The following GRIA4 variants were observed in gnomAD, a reference collection of about 807,000 sequenced individuals.
GRIA4 encodes glutamate ionotropic receptor AMPA type subunit 4, also known as glutamate receptor 4.
In GRIA4, 34 loss-of-function variants were observed where a neutral mutation model predicts 104.0. The observed-to-expected ratio is 0.33, with a 90% CI of 0.25 to 0.44. The LOEUF is 0.44. GRIA4 is among the 20% of genes least tolerant of loss of function. The pLI is 1.00. For synonymous variants in GRIA4, 386 were observed against 381.9 expected, an observed-to-expected ratio of 1.01 and a Z score of -0.13; for missense variants, 750 against 1,096.5, an observed-to-expected ratio of 0.68 and a Z score of 4.46.
At chr11:105,738,330 G>A (rs1419138460) in intron 3 of GRIA4, among the ~76,000 whole-genome samples, 1 of 152,092 alleles carries the variant, frequency 6.6e-6, no homozygotes, top group East Asian at 1.9e-4. Flanking sequence ...TCACTAGGTT[G>A]TTCACTTAGC....
intron 3 of GRIA4, among the ~76,000 whole-genome samples, chr11:105,649,398 T>C (rs1469316526): frequency 6.6e-6 from 1 of 152,174 alleles, no homozygotes; most frequent in Admixed American, 6.5e-5. Flanking sequence ...ATGTGTGCCA[T>C]TAAGATTATT....
chr11:105,795,510 C>T (rs1942443923), intron 4 of GRIA4, among the ~76,000 whole-genome samples: 1 of 151,960 alleles, frequency 6.6e-6, no homozygotes, highest in African/African-American at 2.4e-5. Context: ...CGTTTGGGTG[C>T]AGGAGATGAG....
rs555953611 is a variant in GRIA4, at chr11:105,847,909, G to A, written c.488-14115G>A. Among the ~76,000 whole-genome samples the A allele has an allele frequency of 5.9e-5, 9 of 152,284 alleles. No individual in the cohort carries two copies. The South Asian group carries it at 1.7e-3, about 28-fold the overall frequency. ...GTTCTGGACTTTGTAACTATCTGGTGAGCCTGCCAGAATAGGTGGCTGGAA... is the reference window on the plus strand; with the variant it reads ...GTTCTGGACTTTGTAACTATCTGGTAAGCCTGCCAGAATAGGTGGCTGGAA... On this transcript the variant is annotated intron_variant, in intron 4 of 16. Coordinates refer to ENST00000282499, the MANE Select transcript of GRIA4 (RefSeq NM_000829.4).
rs112725241 is a variant in GRIA4, at chr11:105,796,693, T to G, written c.487+43473T>G. 1.9e-3 allele frequency among the ~76,000 whole-genome samples: 295 copies of G among 152,250 alleles called. 3 individuals are homozygous for G. The highest frequency in any genetic ancestry group is 6.8e-3 in the African/African-American group (283 of 41,566). ...AACATTAAGAAAGAAAAGTTATCGT[T>G]TTGCTAGAAAATAAAGTGGCCCCTT... On this transcript the variant is annotated intron_variant, in intron 4 of 16. Transcript: ENST00000282499.
At position 105,638,183 on chromosome 11, in the gene GRIA4, A is replaced by G. The variant is rs139762085; in HGVS notation, c.247+25749A>G. 4.7e-3 allele frequency among the ~76,000 whole-genome samples: 718 copies of G among 152,272 alleles called. 6 individuals carry two copies. The highest frequency in any genetic ancestry group is 0.016 in the African/African-American group (676 of 41,570). ...GAAAAACTTCCCCCAAAGAAATCCC[A>G]AAGTTGTCAGCTGGAACACTAATGG... On this transcript the variant is annotated intron_variant, in intron 3 of 16. Transcript: ENST00000282499.
At chr11:105,729,694 C>A (rs189977118) in intron 3 of GRIA4, among the ~76,000 whole-genome samples, 52 of 152,312 alleles carry the variant, frequency 3.4e-4, no homozygotes, top group African/African-American at 1.2e-3. Context: ...GGATACGAGG[C>A]TGGTTCAACA....
At chr11:105,809,812 T>C (rs1353532076) in intron 4 of GRIA4, among the ~76,000 whole-genome samples, 1 of 152,132 alleles carries the variant, frequency 6.6e-6, no homozygotes, top group Non-Finnish European at 1.5e-5. Context: ...GAGAATGGAC[T>C]AGTACAGCTA....
intron 4 of GRIA4, among the ~76,000 whole-genome samples, chr11:105,826,457 C>A (rs975474728): frequency 1.3e-5 from 2 of 152,034 alleles, no homozygotes; most frequent in African/African-American, 4.8e-5. Context: ...AGGGACAAAG[C>A]TTCCATACAG....
chr11:105,640,584 G>C (rs1239319855), intron 3 of GRIA4, among the ~76,000 whole-genome samples: 1 of 151,712 alleles, frequency 6.6e-6, no homozygotes, highest in East Asian at 1.9e-4. Flanking sequence ...ATTATTTTAT[G>C]AATGTTAGTA....
At chr11:105,630,397 C>G (rs1185289754) in intron 3 of GRIA4, among the ~76,000 whole-genome samples, 1 of 152,034 alleles carries the variant, frequency 6.6e-6, no homozygotes, top group Non-Finnish European at 1.5e-5. Context: ...GACCCCGTCT[C>G]TACTACAAAT....
intron 14 of GRIA4, among the ~76,000 whole-genome samples, chr11:105,940,276 C>G (rs1409914592): frequency 6.6e-6 from 1 of 152,024 alleles, no homozygotes; most frequent in Non-Finnish European, 1.5e-5. Context: ...GCAGGAGAAT[C>G]ACTTGAATCC....
intron 14 of GRIA4, among the ~76,000 whole-genome samples, chr11:105,937,017 G>A (rs1948061587): frequency 6.6e-6 from 1 of 151,994 alleles, no homozygotes; most frequent in Admixed American, 6.6e-5. Context: ...ACAATTCCAG[G>A]TATATTGATC....
chr11:105,830,002 C>T (rs1565269180), intron 4 of GRIA4, among the ~76,000 whole-genome samples: 2 of 151,956 alleles, frequency 1.3e-5, no homozygotes, highest in East Asian at 1.9e-4. Flanking sequence ...AAAATCTAAG[C>T]AGTTCATAAA....
chr11:105,946,978 G>A (rs906338357), intron 14 of GRIA4, among the ~76,000 whole-genome samples: 4 of 152,190 alleles, frequency 2.6e-5, no homozygotes, highest in Admixed American at 2.0e-4. Context: ...GTTAGAGCAT[G>A]TAATGAAAGA....
chr11:105,670,884 G>T (rs1952340379), intron 3 of GRIA4, among the ~76,000 whole-genome samples: 1 of 152,136 alleles, frequency 6.6e-6, no homozygotes, highest in Non-Finnish European at 1.5e-5. Context: ...AAAATCAATA[G>T]ATCAGTAAGG....
intron 3 of GRIA4, among the ~76,000 whole-genome samples, chr11:105,642,970 C>T (rs138609947): frequency 0.015 from 2,232 of 152,172 alleles, 31 homozygotes; most frequent in Middle Eastern, 0.037. Context: ...AAAAGGAAAG[C>T]AAACACAACC....
Position 105,926,730 on chromosome 11 carries a change from T to C in GRIA4, c.1848-11T>C. The C allele has an allele frequency of 1.3e-6, 2 of 1,547,452 alleles. No individual in the cohort carries two copies. The highest frequency in any genetic ancestry group is 1.8e-6 in the Non-Finnish European group (2 of 1,119,782). On this transcript the variant is annotated splice_polypyrimidine_tract_variant and intron_variant, in intron 12 of 16. Coordinates refer to ENST00000282499, the MANE Select transcript of GRIA4 (RefSeq NM_000829.4). The stretch of plus-strand genomic sequence containing the variant: ...AGAAAGGAAAATGTGCATTATTTTA[T>C]CCATGTTTAGATCCCTCTCAGGTCG...
intron 14 of GRIA4, among the ~76,000 whole-genome samples, chr11:105,950,207 G>T (rs1362496343): frequency 6.6e-6 from 1 of 152,178 alleles, no homozygotes; most frequent in Non-Finnish European, 1.5e-5. Context: ...GCAGAGAATG[G>T]ATTGAGAAAG....
intron 4 of GRIA4, among the ~76,000 whole-genome samples, chr11:105,810,185 C>T (rs1049903547): frequency 2.6e-5 from 4 of 152,160 alleles, no homozygotes; most frequent in African/African-American, 9.7e-5. Context: ...GTTAGAACAG[C>T]TTGTCTCCTT....
Sources: allele counts gnomAD v4.1 joint callset (sites outside exome capture counted in the v4.1 genomes callset), GRCh38; gene constraint gnomAD v4.1.1; transcripts MANE v1.5; gene names NCBI Gene and HGNC (gene_info 2026-07-23, HGNC 2026-07-21).